PACRG: variants seen among roughly 807,000 people sequenced by gnomAD.
PACRG encodes parkin coregulated gene protein.
A neutral mutation model predicts 29.7 loss-of-function variants in PACRG; 29 were observed. That is an observed-to-expected ratio of 0.98 (90% CI 0.73 to 1.33). PACRG has a LOEUF of 1.33. Ranked by LOEUF, PACRG falls within the 40% of genes most tolerant of loss-of-function variation. The pLI is 0.00. For missense variants in PACRG, 279 were observed against 316.2 expected (o/e 0.88, Z 0.89); for synonymous variants, 116 against 118.7 (o/e 0.98, Z 0.15).
At position 163,058,616 on chromosome 6, in the gene PACRG, G is replaced by T. The variant is rs145845874; in HGVS notation, c.292-3534G>T. Among the ~76,000 whole-genome samples the T allele has an allele frequency of 2.4e-4, 37 of 152,138 alleles. No homozygotes were observed. The East Asian group carries it at 6.2e-3, about 26-fold the overall frequency. ...CTACTTAAAAAAATACGAAATTAAGGCCAGGCGCTGTGGCTCACGCCTGTA... is the reference window on the plus strand; with the variant it reads ...CTACTTAAAAAAATACGAAATTAAGTCCAGGCGCTGTGGCTCACGCCTGTA... On this transcript the variant is annotated intron_variant, in intron 2 of 4. Coordinates refer to ENST00000366888, the MANE Select transcript of PACRG (RefSeq NM_001080379.2).
chr6:163,240,195 T>C (rs1298576928), intron 4 of PACRG, among the ~76,000 whole-genome samples: 6 of 150,576 alleles, frequency 4.0e-5, no homozygotes, highest in African/African-American at 1.5e-4. Flanking sequence ...GCCGGGCCTG[T>C]GGGGTGAGTG....
intron 1 of PACRG, among the ~76,000 whole-genome samples, chr6:162,770,031 A>G (rs960218858): frequency 6.6e-6 from 1 of 152,098 alleles, no homozygotes; most frequent in African/African-American, 2.4e-5. Flanking sequence ...GGCTATCACA[A>G]ATAAATGAAA....
intron 2 of PACRG, among the ~76,000 whole-genome samples, chr6:162,820,752 G>A (rs1292340115): frequency 6.6e-6 from 1 of 152,078 alleles, no homozygotes; most frequent in African/African-American, 2.4e-5. Context: ...TCACATCAAG[G>A]AGAATGAATG....
At chr6:163,242,815 TGAAAA>T (rs1331374158) in intron 4 of PACRG, among the ~76,000 whole-genome samples, 2 of 152,346 alleles carry the variant, frequency 1.3e-5, no homozygotes, top group East Asian at 1.9e-4. Flanking sequence ...TCACTTTACT[TGAAAA>T]GAAGATGATG....
At chr6:163,278,810 T>C (rs923827556) in intron 4 of PACRG, among the ~76,000 whole-genome samples, 1 of 152,196 alleles carries the variant, frequency 6.6e-6, no homozygotes, top group African/African-American at 2.4e-5. Context: ...TTGCTTTGCT[T>C]ATGTGGGCTC....
Position 162,854,263 on chromosome 6 carries a change from G to A in PACRG, c.291+39982G>A, listed in dbSNP as rs548658048. Among the ~76,000 whole-genome samples, 199 of 150,768 alleles carry A rather than the reference G, an allele frequency of 1.3e-3. 1 individual carries two copies. The highest frequency in any genetic ancestry group is 4.4e-3 in the African/African-American group (182 of 40,988). Reference sequence around the variant, plus strand: ...GCATAGTAAGCATTCAGTAATGTTTGTGGAATTAAATTTTGTCAAAGCACA... The same window carrying A: ...GCATAGTAAGCATTCAGTAATGTTTATGGAATTAAATTTTGTCAAAGCACA... On this transcript the variant is annotated intron_variant, in intron 2 of 4. Transcript: ENST00000366888.
At chr6:163,204,631 T>C (rs796463641) in intron 4 of PACRG, among the ~76,000 whole-genome samples, 4 of 152,130 alleles carry the variant, frequency 2.6e-5, no homozygotes, top group African/African-American at 9.6e-5. Flanking sequence ...CCCCTGCAGA[T>C]TGTCAGGAGC....
In PACRG at chr6:162,962,010, A is replaced by ATGTTAG. The variant is rs543367452; in HGVS notation, c.292-100140_292-100139insTGTTAG. On this transcript the variant is annotated intron_variant, in intron 2 of 4. Transcript: ENST00000366888. ...CAACCATCATTTGCATCACTGCTAA[A>ATGTTAG]CTTTTGTTCCTCCTTGAATTTCCTT... Among the ~76,000 whole-genome samples the ATGTTAG allele has an allele frequency of 1.8e-3, 281 of 152,256 alleles. 1 individual carries two copies. Among genetic ancestry groups the ATGTTAG allele is most frequent in the African/African-American group, 6.3e-3 (262 of 41,546 alleles).
At chr6:162,765,428 G>A (rs981343182) in intron 1 of PACRG, among the ~76,000 whole-genome samples, 2 of 151,942 alleles carry the variant, frequency 1.3e-5, no homozygotes, top group African/African-American at 4.8e-5. Context: ...CCATAAAACT[G>A]TGGGAGCCTT....
At chr6:163,062,398 C>A in intron 3 of PACRG, 77 bp downstream of exon 3, 1 of 1,434,656 alleles carries the variant, frequency 7.0e-7, no homozygotes, top group South Asian at 1.4e-5. Flanking sequence ...AAGCAATAAA[C>A]CATGACAGAC....
At chr6:163,189,374 A>G (rs758326371) in intron 4 of PACRG, 1 of 152,276 alleles carries the variant, frequency 6.6e-6, no homozygotes, top group African/African-American at 2.4e-5. Flanking sequence ...AATTTAAAAA[A>G]AGAGAGAATT....
In PACRG at chr6:162,868,228, C is replaced by T. The variant is rs558651402; in HGVS notation, c.291+53947C>T. 4.9e-4 allele frequency among the ~76,000 whole-genome samples: 75 copies of T among 152,260 alleles called. No individual in the cohort carries two copies. The South Asian group carries it at 0.015, about 30-fold the overall frequency. On this transcript the variant is annotated intron_variant, in intron 2 of 4. Transcript: ENST00000366888. Reference sequence around the variant, plus strand: ...CAGCCTGGAACTAGAGGCGATAGGCCGCCCTGAAAGGCCAATGGGCTTTCA... The same window carrying T: ...CAGCCTGGAACTAGAGGCGATAGGCTGCCCTGAAAGGCCAATGGGCTTTCA...
intron 2 of PACRG, among the ~76,000 whole-genome samples, chr6:162,872,887 T>C (rs1174472762): frequency 2.0e-5 from 3 of 152,160 alleles, no homozygotes; most frequent in Non-Finnish European, 4.4e-5. Flanking sequence ...TGCAATACTT[T>C]ATTATCTCTT....
At position 163,227,222 on chromosome 6, in the gene PACRG, C is replaced by T. The variant is rs779049042; in HGVS notation, c.614-87605C>T. On this transcript the variant is annotated intron_variant, in intron 4 of 4. Coordinates refer to ENST00000366888, the MANE Select transcript of PACRG (RefSeq NM_001080379.2). ...GGAGGCCTCGGGAAGCTTCTACTCA[C>T]GATAGAGGGCGAAGTAGGAGCACGC... Among the ~76,000 whole-genome samples, 11 of 152,130 alleles carry T rather than the reference C, an allele frequency of 7.2e-5. No homozygotes were observed. The East Asian group carries it at 9.7e-4, about 13-fold the overall frequency.
At chr6:162,890,666 C>T (rs751301856) in intron 2 of PACRG, among the ~76,000 whole-genome samples, 2 of 152,200 alleles carry the variant, frequency 1.3e-5, no homozygotes, top group African/African-American at 2.4e-5. Flanking sequence ...AGACCCCGCA[C>T]TGTACCTGAT....
intron 4 of PACRG, among the ~76,000 whole-genome samples, chr6:163,127,419 A>G (rs2128327602): frequency 6.6e-6 from 1 of 152,332 alleles, no homozygotes; most frequent in South Asian, 2.1e-4. Context: ...AGAGAGAACA[A>G]GCTGTAGCTT....
chr6:163,050,823 G>C (rs928614814), intron 2 of PACRG, among the ~76,000 whole-genome samples: 1 of 151,894 alleles, frequency 6.6e-6, no homozygotes, highest in African/African-American at 2.4e-5. Context: ...TCTTTTCCTT[G>C]ACTTTGGAGT....
intron 4 of PACRG, among the ~76,000 whole-genome samples, chr6:163,262,005 A>G (rs992225968): frequency 4.6e-5 from 7 of 152,340 alleles, no homozygotes; most frequent in Non-Finnish European, 1.0e-4. Flanking sequence ...TCTGTGTTCA[A>G]TATTGTCTAT....
At chr6:162,812,907 A>G (rs1029502261) in intron 1 of PACRG, among the ~76,000 whole-genome samples, 2 of 152,060 alleles carry the variant, frequency 1.3e-5, no homozygotes, top group African/African-American at 2.4e-5. Flanking sequence ...TCAATTACTC[A>G]TATAATCATA....
Sources: gnomAD v4.1 joint callset for allele counts (sites outside exome capture counted in the v4.1 genomes callset) on GRCh38, gnomAD v4.1.1 for gene constraint, MANE v1.5 for transcripts, NCBI Gene and HGNC (gene_info 2026-07-23, HGNC 2026-07-21) for gene names.